The following FMR1 variants were observed in gnomAD, a reference collection of about 807,000 sequenced individuals.
The protein encoded by FMR1 is FMRP translational regulator 1.
FMR1 carries 13 observed loss-of-function variants against 50.6 expected under a neutral mutation model. That is an observed-to-expected ratio of 0.26 (90% CI 0.17 to 0.41). FMR1 has a LOEUF of 0.41. Among genes scored for constraint, FMR1 ranks in the 10% least tolerant of loss-of-function variants. FMR1 has a pLI of 1.00. For synonymous variants in FMR1, 138 were observed against 164.1 expected, an observed-to-expected ratio of 0.84 and a Z score of 1.22; for missense variants, 316 against 491.3, an observed-to-expected ratio of 0.64 and a Z score of 3.37.
intron 2 of FMR1, among the ~76,000 whole-genome samples, chrX:147,923,354 A>G (rs1410470975): frequency 1.8e-5 from 2 of 112,206 alleles, no homozygotes; most frequent in African/African-American, 6.5e-5. Context: ...TGGCTATGCA[A>G]TAGACAACAG....
At chrX:147,943,403 AC>A (rs2044070289) in intron 14 of FMR1, 77 bp downstream of exon 14, 1 of 895,163 alleles carries the variant, frequency 1.1e-6, no homozygotes, top group Non-Finnish European at 1.6e-6. Context: ...ATTCATTAGA[AC>A]CCCATTATAA....
At position 147,948,758 on chromosome X, in the gene FMR1, C is replaced by T. The variant is rs782147939; in HGVS notation, c.1813C>T (p.Leu605=). Residue 605 remains leucine (L), a synonymous_variant, in exon 17 of 17, where the codon CTG becomes TTG. Transcript: ENST00000370475. ...LQNTSSEGSR[L]RTGKDRNQKK... is the part of the protein sequence containing the mutation. ...GAATACCTCCAGTGAAGGTAGTCGGCTGCGCACGGGTAAAGATCGTAACCA... is the reference window on the plus strand; with the variant it reads ...GAATACCTCCAGTGAAGGTAGTCGGTTGCGCACGGGTAAAGATCGTAACCA... 9.1e-6 allele frequency: 11 copies of T among 1,211,252 alleles called. No homozygotes were observed. Among genetic ancestry groups the T allele is most frequent in the Non-Finnish European group, 5.6e-6 (5 of 895,004 alleles).
chrX:147,924,495 G>GTGTGTGTC (rs2043311451), intron 2 of FMR1, among the ~76,000 whole-genome samples: 1 of 86,821 alleles, frequency 1.2e-5, no homozygotes, highest in Admixed American at 1.5e-4. Flanking sequence ...GTGTGTGTGT[G>GTGTGTGTC]TGTGTCTATA....
chrX:147,924,467 TTGTGTG>T (rs3999731), intron 2 of FMR1, among the ~76,000 whole-genome samples: 40 of 91,054 alleles, frequency 4.4e-4, no homozygotes, highest in African/African-American at 1.1e-3. Flanking sequence ...AGTATTTTAT[TTGTGTG>T]TGTGTGTGTG....
Position 147,912,126 on chromosome X carries a change from C to G in FMR1, c.-54C>G. Reference sequence around the variant, plus strand: ...GCGGCGGCGGCTGGGCCTCGAGCGCCCGCAGCCCACCTCTCGGGGGCGGGC... The same window carrying G: ...GCGGCGGCGGCTGGGCCTCGAGCGCGCGCAGCCCACCTCTCGGGGGCGGGC... On this transcript the variant is annotated 5_prime_UTR_variant, in exon 1 of 17. Coordinates refer to ENST00000370475, the MANE Select transcript of FMR1 (RefSeq NM_002024.6). 1 of 980,132 alleles carries G rather than the reference C, an allele frequency of 1.0e-6. No homozygotes were observed. Among genetic ancestry groups the G allele is most frequent in the East Asian group, 4.8e-5 (1 of 21,044 alleles). 80.8% of individuals were successfully genotyped at this position (980,132 alleles called of 1,213,427 possible).
Position 147,932,584 on chromosome X carries a change from A to G in FMR1, c.790A>G (p.Ile264Val). ...AGATGAAGATACCTGCACATTTCAT[A>G]TTTATGGAGAGGTAAATATTTTACT... The part of the protein sequence containing the change: ...DLDEDTCTFH[I>V]YGEDQDAVKK... Residue 264 changes from isoleucine to valine, a missense_variant, in exon 8 of 17, where the codon ATT (isoleucine) becomes GTT (valine). By Grantham distance (29) the Ile-to-Val change is conservative. Coordinates refer to ENST00000370475, the MANE Select transcript of FMR1 (RefSeq NM_002024.6). 2 of 1,207,636 alleles carry G rather than the reference A, an allele frequency of 1.7e-6. No homozygotes were observed. Among genetic ancestry groups the G allele is most frequent in the South Asian group, 1.8e-5 (1 of 56,875 alleles).
chrX:147,928,440 T>C (rs782169223), intron 4 of FMR1, 47 bp downstream of exon 4: 2 of 1,017,872 alleles, frequency 2.0e-6, no homozygotes, highest in Non-Finnish European at 2.8e-6. Flanking sequence ...GTTTCCTTTT[T>C]TTAAACCCAG....
chrX:147,927,187 G>A (rs1358164926), intron 3 of FMR1, among the ~76,000 whole-genome samples: 1 of 112,073 alleles, frequency 8.9e-6, no homozygotes, highest in Non-Finnish European at 1.9e-5. Context: ...GCTCTCTGAA[G>A]GCAAGACCCA....
At chrX:147,933,985 GA>G (rs200725985) in intron 9 of FMR1, among the ~76,000 whole-genome samples, 11,476 of 111,994 alleles carry the variant, frequency 0.1, 538 homozygotes, top group African/African-American at 0.17. Context: ...GACAACTGGA[GA>G]AATGTGTTTG....
At chrX:147,932,384 A>G in intron 7 of FMR1, 41 bp from the exon 8 acceptor site, 1 of 1,159,695 alleles carries the variant, frequency 8.6e-7, no homozygotes, top group African/African-American at 1.8e-5. Context: ...TTGTCGTAAT[A>G]GTTGATAAAG....
chrX:147,913,183 G>A (rs1205040664), intron 1 of FMR1: 9 of 113,727 alleles, frequency 7.9e-5, no homozygotes, highest in Admixed American at 7.5e-4. Flanking sequence ...AATTTGTGGT[G>A]TTGCAGTGGA....
At position 147,932,741 on chromosome X, in the gene FMR1, A is replaced by C. The variant is rs782171369; in HGVS notation, c.858A>C (p.Ile286=). The change falls in exon 9 of 17, where the codon ATA becomes ATC. Residue 286 remains isoleucine (I), a synonymous_variant. Transcript: ENST00000370475. The part of the protein sequence containing the change: ...RSFLEFAEDV[I]QVPRNLVGKV... ...TTCTCGAATTTGCTGAAGATGTAAT[A>C]CAAGTTCCAAGGAACTTAGTAGGTA... is the stretch of plus-strand genomic sequence containing the variant. 2 of 1,200,782 alleles carry C rather than the reference A, an allele frequency of 1.7e-6. No homozygotes were observed. Among genetic ancestry groups the C allele is most frequent in the Middle Eastern group, 2.9e-4 (1 of 3,428 alleles).
chrX:147,923,294 C>T (rs1557176820), intron 2 of FMR1, among the ~76,000 whole-genome samples: 1 of 112,000 alleles, frequency 8.9e-6, no homozygotes, highest in Admixed American at 9.4e-5. Flanking sequence ...TCCCTGAATA[C>T]ATAAAGCCAA....
At chrX:147,937,710 A>AT (rs1189908032) in intron 11 of FMR1, 110 bp downstream of exon 11, 7 of 536,279 alleles carry the variant, frequency 1.3e-5, no homozygotes, top group Middle Eastern at 5.2e-4. Context: ...CTTATGTTCT[A>AT]TTTTTTTTCC....
rs782322890 is a variant in FMR1, at chrX:147,949,027, C to A, written c.*183C>A. ...CCATAAGCAACAATTTTCAGATTTG[C>A]ACAAAAAGATACCTTAAAATTTGAA... On this transcript the variant is annotated 3_prime_UTR_variant, in exon 17 of 17. Coordinates refer to ENST00000370475, the MANE Select transcript of FMR1 (RefSeq NM_002024.6). 2 of 519,852 alleles carry A rather than the reference C, an allele frequency of 3.8e-6. No homozygotes were observed. The highest frequency in any genetic ancestry group is 2.5e-5 in the South Asian group (1 of 39,405). The allele number at this position is 519,852 out of a possible 1,213,427, so 42.8% of individuals were successfully genotyped here. A position where few individuals can be genotyped will look rare whatever the true frequency, so the allele number is the denominator to read the frequency against.
At chrX:147,920,747 G>A (rs1174790628) in intron 1 of FMR1, among the ~76,000 whole-genome samples, 2 of 111,964 alleles carry the variant, frequency 1.8e-5, no homozygotes, top group Non-Finnish European at 3.8e-5. Context: ...GCAGAGGACA[G>A]GAATTTAACC....
At position 147,928,646 on chromosome X, in the gene FMR1, A is replaced by T. The variant is rs1557178003; in HGVS notation, c.271-13A>T. The T allele has an allele frequency of 8.4e-7, 1 of 1,190,022 alleles. No individual in the cohort carries two copies. Among genetic ancestry groups the T allele is most frequent in the East Asian group, 3.0e-5 (1 of 33,692 alleles). On this transcript the variant is annotated splice_polypyrimidine_tract_variant and intron_variant, in intron 4 of 16. Transcript: ENST00000370475. The stretch of plus-strand genomic sequence containing the variant: ...AAAATTGTGATTAGAAGTGACTTTT[A>T]TTTATTTCTCAGTTTTATGTGATAG...
chrX:147,946,314 T>C (rs1786549643), intron 16 of FMR1, among the ~76,000 whole-genome samples: 1 of 112,173 alleles, frequency 8.9e-6, no homozygotes, highest in South Asian at 3.7e-4. Context: ...TCTCTTTGAA[T>C]AGAAAATAAG....
At chrX:147,912,989 G>C (rs1365486791) in intron 1 of FMR1, 1 of 266,403 alleles carries the variant, frequency 3.8e-6, no homozygotes, top group Non-Finnish European at 6.6e-6. Context: ...ATGCTTCAGC[G>C]TCTAAAACCA....
Sources: gnomAD v4.1 joint callset for allele counts (sites outside exome capture counted in the v4.1 genomes callset) on GRCh38, gnomAD v4.1.1 for gene constraint, MANE v1.5 for transcripts, NCBI Gene and HGNC (gene_info 2026-07-23, HGNC 2026-07-21) for gene names.